VPS13A: variants seen among roughly 807,000 people sequenced by gnomAD.
The protein encoded by VPS13A is vacuolar protein sorting 13 homolog A, also known as intermembrane lipid transfer protein VPS13A.
A neutral mutation model predicts 390.9 loss-of-function variants in VPS13A; 264 were observed. The ratio of observed to expected loss-of-function variants is 0.68; its 90% CI spans 0.61 to 0.75. The LOEUF is 0.75. Ranked by LOEUF, VPS13A falls within the 30% of genes least tolerant of loss-of-function variation. The pLI is 0.00. For synonymous variants in VPS13A, 1,231 were observed against 1,227.1 expected (o/e 1.00, Z -0.07); for missense variants, 3,409 against 3,733.9 (o/e 0.91, Z 2.27).
intron 53 of VPS13A, 50 bp downstream of exon 53, chr9:77,351,496 T>C (rs781548111): frequency 3.7e-6 from 6 of 1,601,826 alleles, no homozygotes; most frequent in Non-Finnish European, 5.1e-6. Context: ...TTAAAAAAGG[T>C]ATTTGGGCCG....
chr9:77,412,064 G>T (rs926681086), intron 71 of VPS13A, among the ~76,000 whole-genome samples: 1 of 152,130 alleles, frequency 6.6e-6, no homozygotes, highest in Non-Finnish European at 1.5e-5. Flanking sequence ...AGTCTCTGAA[G>T]AGACCAATAA....
In VPS13A at chr9:77,315,363, G is replaced by C. The variant is rs756818592; in HGVS notation, c.4523G>C (p.Cys1508Ser). ...GCGGTCTTTCAAGAAATGTATATTT[G>C]TGCAAGCGTAGAATTTCTGCAGACT... is the stretch of plus-strand genomic sequence containing the variant. ...TDAVFQEMYI[C>S]ASVEFLQTVA... Residue 1508 changes from cysteine to serine, a missense_variant, in exon 38 of 72, where the codon TGT becomes TCT. Cys to Ser is a moderately radical substitution (Grantham distance 112). This residue lies in a region of VPS13A where 2,717 missense variants were observed against 2,917.4 expected (regional missense o/e 0.93). Transcript: ENST00000360280. The C allele has an allele frequency of 1.2e-6, 2 of 1,613,994 alleles. No homozygotes were observed. Among genetic ancestry groups the C allele is most frequent in the Non-Finnish European group, 1.7e-6 (2 of 1,179,878 alleles).
At chr9:77,285,744 A>G (rs1273546911) in intron 31 of VPS13A, among the ~76,000 whole-genome samples, 2 of 152,298 alleles carry the variant, frequency 1.3e-5, no homozygotes, top group East Asian at 1.9e-4. Context: ...TTTTTTGTGT[A>G]TAGTTGAGTC....
chr9:77,378,087 A>G (rs1053776329), intron 67 of VPS13A, among the ~76,000 whole-genome samples: 1 of 152,026 alleles, frequency 6.6e-6, no homozygotes, highest in African/African-American at 2.4e-5. Flanking sequence ...GGATTTTTGC[A>G]TGTATATTTA....
intron 23 of VPS13A, among the ~76,000 whole-genome samples, chr9:77,261,485 A>G (rs773604080): frequency 6.6e-6 from 1 of 150,856 alleles, no homozygotes; most frequent in Non-Finnish European, 1.5e-5. Flanking sequence ...GTATATATAT[A>G]TTTGCTTATA....
intron 68 of VPS13A, among the ~76,000 whole-genome samples, chr9:77,386,940 G>A (rs974515058): frequency 6.6e-6 from 1 of 151,868 alleles, no homozygotes; most frequent in Admixed American, 6.6e-5. Flanking sequence ...ATCTGACCTC[G>A]TGATCCGCCT....
At chr9:77,411,821 T>G (rs143997436) in intron 71 of VPS13A, among the ~76,000 whole-genome samples, 26,298 of 151,444 alleles carry the variant, frequency 0.17, 2,939 homozygotes, top group East Asian at 0.37. Flanking sequence ...TTTTTGAAAA[T>G]ATCAACAAAA....
At chr9:77,258,078 T>C (rs905095707) in intron 22 of VPS13A, among the ~76,000 whole-genome samples, 1 of 152,222 alleles carries the variant, frequency 6.6e-6, no homozygotes, top group East Asian at 1.9e-4. Flanking sequence ...GAGAAGTCTG[T>C]TGAACTAGAC....
intron 22 of VPS13A, among the ~76,000 whole-genome samples, chr9:77,256,065 TC>T (rs1227556244): frequency 6.6e-6 from 1 of 152,068 alleles, no homozygotes; most frequent in Non-Finnish European, 1.5e-5. Context: ...TTTTTCTAGT[TC>T]CTTAAGGTGT....
chr9:77,367,972 A>G (rs1563964916), intron 61 of VPS13A, 83 bp from the exon 62 acceptor site: 2 of 1,262,640 alleles, frequency 1.6e-6, no homozygotes, highest in Non-Finnish European at 2.2e-6. Context: ...AAAAGATTCT[A>G]AAGAAAATAA....
At chr9:77,266,414 T>C (rs1464114490) in intron 23 of VPS13A, among the ~76,000 whole-genome samples, 1 of 152,162 alleles carries the variant, frequency 6.6e-6, no homozygotes, top group East Asian at 1.9e-4. Flanking sequence ...CCTGCTGTTG[T>C]TGTGTGGGAG....
At chr9:77,319,461 C>A in intron 41 of VPS13A, 111 bp from the exon 42 acceptor site, 1 of 720,720 alleles carries the variant, frequency 1.4e-6, no homozygotes. Context: ...TTATAGGAAG[C>A]TACTGAATGG....
chr9:77,341,947 G>A (rs1431888689), intron 50 of VPS13A, among the ~76,000 whole-genome samples: 2 of 151,830 alleles, frequency 1.3e-5, no homozygotes, highest in East Asian at 1.9e-4. Flanking sequence ...TAATAATACC[G>A]TAATCAATTA....
At chr9:77,394,418 G>T (rs1177812760) in intron 68 of VPS13A, among the ~76,000 whole-genome samples, 1 of 152,138 alleles carries the variant, frequency 6.6e-6, no homozygotes, top group Non-Finnish European at 1.5e-5. Flanking sequence ...AAAGTCACCA[G>T]CTGCACCAGG....
At chr9:77,358,498 A>T (rs1394681010) in intron 57 of VPS13A, 60 bp downstream of exon 57, 1 of 1,387,136 alleles carries the variant, frequency 7.2e-7, no homozygotes, top group East Asian at 2.3e-5. Context: ...GATTTACTTT[A>T]CTATAAAAAT....
chr9:77,187,260 C>A (rs902865850), intron 1 of VPS13A, among the ~76,000 whole-genome samples: 4 of 152,180 alleles, frequency 2.6e-5, no homozygotes, highest in Non-Finnish European at 5.9e-5. Flanking sequence ...AGCAGAATTA[C>A]TGGATCATAT....
intron 23 of VPS13A, among the ~76,000 whole-genome samples, chr9:77,267,014 G>A (rs75550331): frequency 2.0e-5 from 3 of 151,778 alleles, no homozygotes; most frequent in Non-Finnish European, 4.4e-5. Flanking sequence ...CACTCCATCA[G>A]GTCATTTATG....
At chr9:77,295,983 T>A in intron 33 of VPS13A, 137 bp downstream of exon 33, 1 of 965,970 alleles carries the variant, frequency 1.0e-6, no homozygotes, top group Non-Finnish European at 1.5e-6. Context: ...CTCTCTTCCT[T>A]AAGTATATTT....
At chr9:77,292,664 G>GT (rs1564701115) in intron 31 of VPS13A, among the ~76,000 whole-genome samples, 1 of 152,048 alleles carries the variant, frequency 6.6e-6, no homozygotes, top group Non-Finnish European at 1.5e-5. Flanking sequence ...TCAGCTCCCT[G>GT]TTCTTGCTTG....
Sources: gnomAD v4.1 joint callset for allele counts (sites outside exome capture counted in the v4.1 genomes callset) on GRCh38, gnomAD v4.1.1 for gene constraint, gnomAD v4.1.1 regional missense constraint, MANE v1.5 for transcripts, NCBI Gene and HGNC (gene_info 2026-07-23, HGNC 2026-07-21) for gene names.